Variants in CAMTA1 observed in about 807,000 individuals in gnomAD.
CAMTA1 encodes calmodulin binding transcription activator 1, also known as calmodulin-binding transcription activator 1.
Under a neutral mutation model 170.9 loss-of-function variants are expected in CAMTA1, and 27 were observed. The ratio of observed to expected loss-of-function variants is 0.16; its 90% CI spans 0.12 to 0.22. The LOEUF is 0.22. Among genes scored for constraint, CAMTA1 ranks in the 10% least tolerant of loss-of-function variants. The pLI is 1.00. For missense variants in CAMTA1, 1,619 were observed against 2,217.2 expected, an observed-to-expected ratio of 0.73 and a Z score of 5.42; for synonymous variants, 833 against 891.5, an observed-to-expected ratio of 0.93 and a Z score of 1.17.
intron 5 of CAMTA1, among the ~76,000 whole-genome samples, chr1:7,372,432 C>T (rs1015059184): frequency 1.3e-5 from 2 of 152,168 alleles, no homozygotes; most frequent in Admixed American, 6.5e-5. Flanking sequence ...TTTTCAAAAG[C>T]TCAAAAGTAT....
At chr1:7,554,450 C>T (rs1227298819) in intron 6 of CAMTA1, among the ~76,000 whole-genome samples, 1 of 152,048 alleles carries the variant, frequency 6.6e-6, no homozygotes, top group Non-Finnish European at 1.5e-5. Flanking sequence ...CCCTCCCGTG[C>T]CCAGGGCAGA....
intron 4 of CAMTA1, among the ~76,000 whole-genome samples, chr1:7,214,684 T>G (rs1481611675): frequency 1.3e-5 from 2 of 152,188 alleles, no homozygotes; most frequent in African/African-American, 4.8e-5. Flanking sequence ...TTAATTTTCA[T>G]GAAGTCTACT....
rs148003133 is a variant in CAMTA1, at chr1:7,690,159, A to G, written c.2914+12426A>G. On this transcript the variant is annotated intron_variant, in intron 11 of 22. Coordinates refer to ENST00000303635, the MANE Select transcript of CAMTA1 (RefSeq NM_015215.4). ...GCCTAGGCAACAAGAGCGAAACTCC[A>G]TCTCAAAATAAGAAGAAAGAGCCAG... is the stretch of plus-strand genomic sequence containing the variant. 5.9e-5 allele frequency among the ~76,000 whole-genome samples: 9 copies of G among 152,336 alleles called. No homozygotes were observed. In the East Asian group the frequency reaches 1.7e-3, roughly 29 times the overall value.
Position 7,435,498 on chromosome 1 carries a change from A to G in CAMTA1, c.439-32332A>G, listed in dbSNP as rs1250133380. Among the ~76,000 whole-genome samples, 1 of 152,196 alleles carries G rather than the reference A, an allele frequency of 6.6e-6. No homozygotes were observed. Among genetic ancestry groups the G allele is most frequent in the Non-Finnish European group, 1.5e-5 (1 of 68,022 alleles). On this transcript the variant is annotated intron_variant, in intron 5 of 22. Coordinates refer to ENST00000303635, the MANE Select transcript of CAMTA1 (RefSeq NM_015215.4). The surrounding 1 kb of genome is among the most constrained non-coding windows in gnomAD (Gnocchi z 4.4). The stretch of plus-strand genomic sequence containing the variant: ...CTTCCGGTTTGTTGAGGGTTGGGTC[A>G]TCATCCCCTCTGTTACCCTGAAGAG...
chr1:7,492,087 G>A (rs754258215), intron 6 of CAMTA1, among the ~76,000 whole-genome samples: 1 of 152,150 alleles, frequency 6.6e-6, no homozygotes, highest in Admixed American at 6.5e-5. Flanking sequence ...GATGGGACAC[G>A]CTCCCACTAG....
chr1:7,558,933 C>T (rs1468218412), intron 6 of CAMTA1, among the ~76,000 whole-genome samples: 1 of 152,212 alleles, frequency 6.6e-6, no homozygotes, highest in Non-Finnish European at 1.5e-5. Context: ...GCTGGTGCAG[C>T]CTTTTCACAA....
rs368135121 is a variant in CAMTA1 at position 7,561,386 on chromosome 1, T to C, written c.511-79014T>C. ...GAGAGGCCGGCGGGCAGCAGGCCAA[T>C]GGGCCAGGCAGGTGGGGCAGGAGCC... On this transcript the variant is annotated intron_variant, in intron 6 of 22. Transcript: ENST00000303635. The surrounding 1 kb of genome is among the most constrained non-coding windows in gnomAD (Gnocchi z 5.3). Among the ~76,000 whole-genome samples, 545 of 151,640 alleles carry C rather than the reference T, an allele frequency of 3.6e-3. 4 individuals carry two copies. Among genetic ancestry groups the C allele is most frequent in the African/African-American group, 0.013 (528 of 41,366 alleles).
At chr1:6,856,902 A>T (rs1256799644) in intron 3 of CAMTA1, among the ~76,000 whole-genome samples, 1 of 152,038 alleles carries the variant, frequency 6.6e-6, no homozygotes, top group African/African-American at 2.4e-5. Context: ...GCATGTCTGA[A>T]GTGAGGAGTG....
chr1:7,701,690 G>T (rs907180493), intron 11 of CAMTA1, among the ~76,000 whole-genome samples: 1 of 151,980 alleles, frequency 6.6e-6, no homozygotes, highest in Non-Finnish European at 1.5e-5. Context: ...AAAAGTACTG[G>T]GATTACAGGT....
At chr1:7,762,575 T>A (rs2096984126) in intron 22 of CAMTA1, among the ~76,000 whole-genome samples, 1 of 152,188 alleles carries the variant, frequency 6.6e-6, no homozygotes, top group African/African-American at 2.4e-5. Flanking sequence ...ATCCTAATAA[T>A]CTACTCTCAA....
chr1:7,449,512 A>G (rs371183636), intron 5 of CAMTA1, among the ~76,000 whole-genome samples: 9 of 152,274 alleles, frequency 5.9e-5, no homozygotes, highest in South Asian at 4.1e-4. Context: ...GCCCAGCCCT[A>G]TAATCCCAGC....
At chr1:7,676,466 G>T (rs1214594230) in intron 10 of CAMTA1, among the ~76,000 whole-genome samples, 1 of 152,248 alleles carries the variant, frequency 6.6e-6, no homozygotes, top group Admixed American at 6.5e-5. Flanking sequence ...CGGTCAATGA[G>T]CTGGTTTTCC....
chr1:7,324,965 C>T lies in CAMTA1; in HGVS notation c.438+75339C>T, dbSNP rs72642804. Among the ~76,000 whole-genome samples the T allele has an allele frequency of 6.9e-3, 1,045 of 152,276 alleles. 3 individuals are homozygous for T. Among genetic ancestry groups the T allele is most frequent in the South Asian group, 0.012 (58 of 4,826 alleles). On this transcript the variant is annotated intron_variant, in intron 5 of 22. Coordinates refer to ENST00000303635, the MANE Select transcript of CAMTA1 (RefSeq NM_015215.4). ...GAACAATCCATGACCAACCCCCACC[C>T]AGGCCTTCCTCACTCTACTAATGTG...
rs1182001110 is a variant in CAMTA1, at chr1:6,820,242, C to G, written c.107C>G (p.Pro36Arg). ...STYCVLNTVP[P>R]IEDDHGNSNS... The stretch of plus-strand genomic sequence containing the variant: ...TACTGTGTTCTCAACACCGTGCCAC[C>G]TATAGAAGGTAGGATTTGAAAAAGC... Residue 36 changes from proline (P) to arginine (R), a missense_variant, in exon 2 of 23, where the codon CCT becomes CGT. By Grantham distance (103) the Pro-to-Arg change is moderately radical. Around this residue, in one of 8 missense-constraint regions of CAMTA1, gnomAD observed 61 missense variants for 57.7 expected, o/e 1.06. Transcript: ENST00000303635. The G allele has an allele frequency of 2.5e-6, 4 of 1,613,998 alleles. No homozygotes were observed. The highest frequency in any genetic ancestry group is 1.7e-5 in the Admixed American group (1 of 60,008).
At chr1:7,559,118 A>C (rs1267482939) in intron 6 of CAMTA1, among the ~76,000 whole-genome samples, 1 of 152,194 alleles carries the variant, frequency 6.6e-6, no homozygotes, top group African/African-American at 2.4e-5. Flanking sequence ...AGGAGGCGGC[A>C]GCTGGCACCG....
intron 16 of CAMTA1, among the ~76,000 whole-genome samples, chr1:7,744,040 G>A (rs1217107066): frequency 1.3e-5 from 2 of 151,338 alleles, no homozygotes; most frequent in Non-Finnish European, 2.9e-5. Flanking sequence ...TGTTAGCCAG[G>A]ATGGTCTTAA....
intron 3 of CAMTA1, among the ~76,000 whole-genome samples, chr1:6,935,638 C>T (rs921107641): frequency 3.3e-5 from 5 of 152,158 alleles, no homozygotes; most frequent in East Asian, 1.9e-4. Flanking sequence ...CTAATCCGCC[C>T]GACATCACAT....
At chr1:6,962,482 C>A (rs1412703681) in intron 3 of CAMTA1, among the ~76,000 whole-genome samples, 2 of 151,376 alleles carry the variant, frequency 1.3e-5, no homozygotes, top group Non-Finnish European at 2.9e-5. Flanking sequence ...TCCCTGCCAG[C>A]CCCGCCCCCT....
chr1:6,947,378 T>C (rs1313840772), intron 3 of CAMTA1, among the ~76,000 whole-genome samples: 1 of 138,998 alleles, frequency 7.2e-6, no homozygotes, highest in Admixed American at 7.1e-5. Flanking sequence ...TTGTCTTTAA[T>C]TTTTTTTTTT....
Sources: allele counts gnomAD v4.1 joint callset (sites outside exome capture counted in the v4.1 genomes callset), GRCh38; gene constraint gnomAD v4.1.1; regional missense constraint gnomAD v4.1.1; non-coding constraint Gnocchi (gnomAD v3.1); transcripts MANE v1.5; gene names NCBI Gene and HGNC (gene_info 2026-07-23, HGNC 2026-07-21).